The following RBFOX1 variants were observed in gnomAD, a reference collection of about 807,000 sequenced individuals.
The protein encoded by RBFOX1 is RNA binding protein fox-1 homolog 1.
Under a neutral mutation model 57.7 loss-of-function variants are expected in RBFOX1, and 8 were observed. The observed-to-expected ratio is 0.14, with a 90% confidence interval of 0.08 to 0.25. The LOEUF (loss-of-function observed/expected upper bound fraction) is 0.25, where lower values mean the gene tolerates loss of function less well. Ranked by LOEUF, RBFOX1 falls within the 10% of genes least tolerant of loss-of-function variation. The pLI, the probability that RBFOX1 is intolerant of heterozygous loss-of-function variation, is 1.00. For missense variants in RBFOX1, 611 were observed against 548.5 expected (o/e 1.11, Z -1.14); for synonymous variants, 326 against 222.4 (o/e 1.47, Z -4.15).
At chr16:6,020,089 T>A in intron 1 of RBFOX1, 97 bp downstream of exon 1, 2 of 1,289,508 alleles carry the variant, frequency 1.6e-6, no homozygotes, top group Non-Finnish European at 2.0e-6. Flanking sequence ...CCCCGAGAAC[T>A]GGCCTCCTCC....
intron 2 of RBFOX1, among the ~76,000 whole-genome samples, chr16:6,547,510 C>CT (rs1046218645): frequency 6.6e-6 from 1 of 151,708 alleles, no homozygotes; most frequent in Non-Finnish European, 1.5e-5. Flanking sequence ...AATTGTGGTT[C>CT]TTTTTTTTGT....
intron 4 of RBFOX1, among the ~76,000 whole-genome samples, chr16:7,390,799 TATGA>T (rs2097995535): frequency 6.6e-6 from 1 of 152,230 alleles, no homozygotes; most frequent in Admixed American, 6.5e-5. Context: ...TTTATAAGAA[TATGA>T]ATGTGCTTAA....
intron 4 of RBFOX1, among the ~76,000 whole-genome samples, chr16:5,875,260 G>C (rs1398842183): frequency 6.6e-6 from 1 of 152,158 alleles, no homozygotes; most frequent in Admixed American, 6.5e-5. Context: ...ACTGAGATGT[G>C]GAGAAGTGGT....
chr16:7,170,772 T>G (rs915208015), intron 4 of RBFOX1, among the ~76,000 whole-genome samples: 1 of 152,124 alleles, frequency 6.6e-6, no homozygotes, highest in African/African-American at 2.4e-5. Context: ...GCAGCTACAG[T>G]CTTAGGGAAA....
chr16:5,383,075 C>G (rs764406767), intron 1 of RBFOX1, among the ~76,000 whole-genome samples: 14 of 152,204 alleles, frequency 9.2e-5, no homozygotes, highest in Non-Finnish European at 1.9e-4. Flanking sequence ...GCCACAGTTT[C>G]CAGATGCGGC....
At chr16:6,181,654 C>T (rs1212867528) in intron 1 of RBFOX1, among the ~76,000 whole-genome samples, 1 of 152,102 alleles carries the variant, frequency 6.6e-6, no homozygotes, top group Non-Finnish European at 1.5e-5. Context: ...CCCACATATT[C>T]ACATTAGAAG....
chr16:6,155,900 G>A (rs1489278314), intron 1 of RBFOX1, among the ~76,000 whole-genome samples: 1 of 152,160 alleles, frequency 6.6e-6, no homozygotes. Flanking sequence ...GATGGTATCA[G>A]CATCTGACAT....
At chr16:5,468,131 G>T (rs2069011233) in intron 2 of RBFOX1, among the ~76,000 whole-genome samples, 1 of 152,116 alleles carries the variant, frequency 6.6e-6, no homozygotes, top group African/African-American at 2.4e-5. Flanking sequence ...TCCTACTGTT[G>T]GCTGCCAGTT....
At chr16:5,383,073 T>G (rs1357332248) in intron 1 of RBFOX1, among the ~76,000 whole-genome samples, 1 of 152,206 alleles carries the variant, frequency 6.6e-6, no homozygotes, top group African/African-American at 2.4e-5. Context: ...ATGCCACAGT[T>G]TCCAGATGCG....
chr16:5,806,932 C>T (rs1370979489), intron 3 of RBFOX1, among the ~76,000 whole-genome samples: 2 of 152,164 alleles, frequency 1.3e-5, no homozygotes, highest in African/African-American at 4.8e-5. Flanking sequence ...CCTTTCCCCA[C>T]TGGAGGAGCA....
At chr16:5,607,940 A>T (rs1219104287) in intron 3 of RBFOX1, among the ~76,000 whole-genome samples, 2 of 152,162 alleles carry the variant, frequency 1.3e-5, no homozygotes, top group African/African-American at 4.8e-5. Context: ...ATGGATGAGC[A>T]TTGGGGTTGT....
At chr16:5,667,633 T>C (rs548161708) in intron 3 of RBFOX1, among the ~76,000 whole-genome samples, 1 of 152,238 alleles carries the variant, frequency 6.6e-6, no homozygotes, top group African/African-American at 2.4e-5. Flanking sequence ...GAACAAACTC[T>C]CTTTGGATTT....
At chr16:7,451,064 C>T (rs555082065) in intron 4 of RBFOX1, among the ~76,000 whole-genome samples, 3 of 152,028 alleles carry the variant, frequency 2.0e-5, no homozygotes, top group Admixed American at 1.3e-4. Flanking sequence ...CCCTGAGTGA[C>T]AAGGAGGAGA....
At chr16:6,194,707 A>T (rs1345288) in intron 1 of RBFOX1, among the ~76,000 whole-genome samples, 77,355 of 152,000 alleles carry the variant, frequency 0.51, 20,198 homozygotes, top group East Asian at 0.64. Flanking sequence ...TCTTACATTC[A>T]TGGGCACTCC....
chr16:7,434,662 C>T lies in RBFOX1; in HGVS notation c.28-83485C>T, dbSNP rs1044526910. On this transcript the variant is annotated intron_variant, in intron 4 of 15. Coordinates refer to ENST00000550418, the MANE Select transcript of RBFOX1 (RefSeq NM_018723.4). ...AACATTTTATTTTAGAATACTTTTA[C>T]ATTTACAGAAAAGTTGTAAAGACAG... Among the ~76,000 whole-genome samples the T allele has an allele frequency of 5.9e-5, 9 of 152,076 alleles. No homozygotes were observed. The South Asian group carries it at 6.2e-4, about 11-fold the overall frequency.
intron 1 of RBFOX1, among the ~76,000 whole-genome samples, chr16:5,303,320 A>G (rs1218951306): frequency 6.6e-6 from 1 of 152,210 alleles, no homozygotes; most frequent in Non-Finnish European, 1.5e-5. Flanking sequence ...CATGAGCTGC[A>G]CAGGCAGAGG....
chr16:6,394,539 T>A (rs2092740694), intron 2 of RBFOX1, among the ~76,000 whole-genome samples: 1 of 151,806 alleles, frequency 6.6e-6, no homozygotes. Flanking sequence ...GGATGAGAAA[T>A]TATGCAAAAG....
At chr16:5,912,895 G>C (rs1288682671) in intron 4 of RBFOX1, among the ~76,000 whole-genome samples, 5 of 152,170 alleles carry the variant, frequency 3.3e-5, no homozygotes, top group African/African-American at 1.2e-4. Context: ...AGCTTGTCCA[G>C]TTCTGGCCTC....
At chr16:7,602,175 A>G (rs2095059151) in intron 9 of RBFOX1, among the ~76,000 whole-genome samples, 1 of 152,244 alleles carries the variant, frequency 6.6e-6, no homozygotes, top group African/African-American at 2.4e-5. Context: ...CACCCAATGC[A>G]GTCATAGTTA....
Sources: allele counts gnomAD v4.1 joint callset (sites outside exome capture counted in the v4.1 genomes callset), GRCh38; gene constraint gnomAD v4.1.1; transcripts MANE v1.5; gene names NCBI Gene and HGNC (gene_info 2026-07-23, HGNC 2026-07-21).